Variants in NELL2 observed in about 807,000 individuals in gnomAD.
NELL2 encodes the protein neural EGFL like 2.
NELL2 carries 41 observed loss-of-function variants against 109.6 expected under a neutral mutation model. That is an observed-to-expected ratio of 0.37 (90% CI 0.29 to 0.49). The LOEUF (loss-of-function observed/expected upper bound fraction) is 0.49. Among genes scored for constraint, NELL2 ranks in the 20% least tolerant of loss-of-function variants. The probability of loss-of-function intolerance (pLI) is 0.98; values close to 1 mark genes in which losing one functional copy is unlikely to be tolerated. For synonymous variants in NELL2, 355 were observed against 344.7 expected, an observed-to-expected ratio of 1.03 and a Z score of -0.33; for missense variants, 900 against 1,008.3, an observed-to-expected ratio of 0.89 and a Z score of 1.45.
intron 3 of NELL2, among the ~76,000 whole-genome samples, chr12:44,795,543 T>A (rs115905307): frequency 0.014 from 2,197 of 152,280 alleles, 51 homozygotes; most frequent in African/African-American, 0.05. Flanking sequence ...AATCCCAATT[T>A]GGCATCATTT....
chr12:44,671,021 C>G (rs150599859), intron 12 of NELL2, among the ~76,000 whole-genome samples: 65 of 152,198 alleles, frequency 4.3e-4, no homozygotes, highest in African/African-American at 1.4e-3. Flanking sequence ...GGAAAGTTCT[C>G]CAGGATAGAA....
chr12:44,920,599 T>G (rs1945861603), intron 1 of NELL2, among the ~76,000 whole-genome samples: 1 of 152,172 alleles, frequency 6.6e-6, no homozygotes, highest in African/African-American at 2.4e-5. Context: ...TTAGCTTTAT[T>G]AAAGCTCATC....
rs896142192 is a variant in NELL2 at position 44,714,635 on chromosome 12, G to A, written c.1086+15C>T. 6.0e-6 allele frequency: 9 copies of A among 1,492,014 alleles called. No homozygotes were observed. The highest frequency in any genetic ancestry group is 2.1e-5 in the Admixed American group (1 of 46,680). The allele number at this position is 1,492,014 out of a possible 1,614,324, so 92.4% of individuals were successfully genotyped here. A position where few individuals can be genotyped will look rare whatever the true frequency, so the allele number is the denominator to read the frequency against. On this transcript the variant is annotated intron_variant, in intron 10 of 19. Transcript: ENST00000429094. ...ATAGAAACAATTTTGAAAGACCCAC[G>A]AATAGTCTTCTTACCTTGCACTCAT...
chr12:44,709,992 T>C (rs543840406), intron 11 of NELL2, among the ~76,000 whole-genome samples: 1 of 152,346 alleles, frequency 6.6e-6, no homozygotes, highest in Non-Finnish European at 1.5e-5. Context: ...TTAGAAGTGT[T>C]CTTTATTACT....
intron 3 of NELL2, among the ~76,000 whole-genome samples, chr12:44,805,786 C>T (rs976269391): frequency 6.6e-6 from 1 of 151,760 alleles, no homozygotes; most frequent in South Asian, 2.1e-4. Context: ...AATTGCAATA[C>T]CAAATATTGT....
At chr12:44,562,914 C>G (rs1259708008) in intron 15 of NELL2, among the ~76,000 whole-genome samples, 3 of 152,158 alleles carry the variant, frequency 2.0e-5, no homozygotes, top group Non-Finnish European at 4.4e-5. Flanking sequence ...TTGGAAGCAA[C>G]CCAAATGCCC....
intron 16 of NELL2, among the ~76,000 whole-genome samples, chr12:44,524,571 AC>A (rs1236443848): frequency 6.6e-6 from 1 of 152,220 alleles, no homozygotes; most frequent in African/African-American, 2.4e-5. Flanking sequence ...TTGGACTTCA[AC>A]ATTAACTGAA....
chr12:44,633,609 T>C (rs908052480), intron 13 of NELL2, among the ~76,000 whole-genome samples: 4 of 152,148 alleles, frequency 2.6e-5, no homozygotes, highest in Admixed American at 2.6e-4. Flanking sequence ...ATGTATTCTG[T>C]AGGAGTTCCA....
chr12:44,791,111 A>ATATATATATATGTG (rs1942392898), intron 3 of NELL2, among the ~76,000 whole-genome samples: 1 of 52,496 alleles, frequency 1.9e-5, no homozygotes, highest in Non-Finnish European at 3.1e-5. Context: ...ATATATATGT[A>ATATATATATATGTG]TATATATATG....
intron 12 of NELL2, among the ~76,000 whole-genome samples, chr12:44,693,976 A>G (rs1365039442): frequency 3.3e-5 from 5 of 152,214 alleles, no homozygotes; most frequent in African/African-American, 9.6e-5. Context: ...TGGATAGATG[A>G]AGCCATTAAA....
At chr12:44,610,139 G>A (rs1405065949) in intron 14 of NELL2, among the ~76,000 whole-genome samples, 5 of 151,568 alleles carry the variant, frequency 3.3e-5, no homozygotes, top group East Asian at 3.9e-4. Flanking sequence ...ATGATCAATC[G>A]GCATTAACAA....
At chr12:44,612,723 G>A (rs1403752396) in intron 13 of NELL2, among the ~76,000 whole-genome samples, 1 of 151,856 alleles carries the variant, frequency 6.6e-6, no homozygotes, top group Non-Finnish European at 1.5e-5. Context: ...AGTGCAATTC[G>A]AAGTGCCGCA....
chr12:44,796,321 A>G (rs552659315), intron 3 of NELL2, among the ~76,000 whole-genome samples: 32 of 152,158 alleles, frequency 2.1e-4, no homozygotes, highest in Non-Finnish European at 4.7e-4. Context: ...TGTTTTAACA[A>G]GAATCTACTG....
intron 2 of NELL2, among the ~76,000 whole-genome samples, chr12:44,842,109 G>GAGGGAGGGAGGGAGGGTGGAAGGA (rs1405942738): frequency 2.6e-5 from 1 of 38,714 alleles, no homozygotes; most frequent in Non-Finnish European, 5.3e-5. Context: ...GGGAGGGAGG[G>GAGGGAGGGAGGGAGGGTGGAAGGA]AGGAAGGAAG....
rs774235355 is a variant in NELL2 at position 44,610,968 on chromosome 12, G to A, written c.1447C>T (p.His483Tyr). 6.2e-7 allele frequency: 1 copy of A among 1,611,914 alleles called. No homozygotes were observed. Among genetic ancestry groups the A allele is most frequent in the African/African-American group, 1.3e-5 (1 of 74,766 alleles). The change falls in exon 14 of 20, where the codon CAT (histidine) becomes TAT (tyrosine). Residue 483 changes from histidine (H) to tyrosine (Y), a missense_variant and splice_region_variant. His to Tyr is a moderately conservative substitution (Grantham distance 83, BLOSUM62 2). Transcript: ENST00000429094. ...TGCTGATTTGTGATACACTCATCAT[G>A]TTCTGAAATGAGGAATACAATTTTG... Reference protein sequence around the residue: ...IRIDDYSCTEHDECITNQHNC... With the variant: ...IRIDDYSCTEYDECITNQHNC...
chr12:44,693,204 C>G (rs551469397), intron 12 of NELL2, among the ~76,000 whole-genome samples: 1 of 152,300 alleles, frequency 6.6e-6, no homozygotes, highest in East Asian at 1.9e-4. Flanking sequence ...GCAAGACCCT[C>G]CATCAGCAAA....
chr12:44,595,532 T>C (rs1944921901), intron 15 of NELL2, among the ~76,000 whole-genome samples: 1 of 151,894 alleles, frequency 6.6e-6, no homozygotes, highest in Non-Finnish European at 1.5e-5. Flanking sequence ...CTTCATGCCA[T>C]TCTCCTGCCT....
At chr12:44,815,548 T>C (rs1943315301) in intron 3 of NELL2, among the ~76,000 whole-genome samples, 1 of 152,258 alleles carries the variant, frequency 6.6e-6, no homozygotes, top group South Asian at 2.1e-4. Context: ...CTTCTGCTTT[T>C]AGGCAATTAC....
At chr12:44,816,877 G>C (rs570826705) in intron 2 of NELL2, among the ~76,000 whole-genome samples, 12 of 152,286 alleles carry the variant, frequency 7.9e-5, no homozygotes, top group South Asian at 2.1e-4. Flanking sequence ...AGATTATATG[G>C]GGAAACAGAT....
Sources: allele counts gnomAD v4.1 joint callset (sites outside exome capture counted in the v4.1 genomes callset), GRCh38; gene constraint gnomAD v4.1.1; transcripts MANE v1.5; gene names NCBI Gene and HGNC (gene_info 2026-07-23, HGNC 2026-07-21).